Variants in VPS13B observed in about 807,000 individuals in gnomAD.
VPS13B encodes the protein intermembrane lipid transfer protein VPS13B.
A neutral mutation model predicts 426.4 loss-of-function variants in VPS13B; 285 were observed. The ratio of observed to expected loss-of-function variants is 0.67; its 90% CI spans 0.61 to 0.74. VPS13B has a LOEUF of 0.74. VPS13B is among the 30% of genes least tolerant of loss of function. The probability of loss-of-function intolerance (pLI) is 0.00; values close to 1 mark genes in which losing one functional copy is unlikely to be tolerated. For missense variants in VPS13B, 4,537 were observed against 4,782.6 expected, an observed-to-expected ratio of 0.95 and a Z score of 1.51; for synonymous variants, 1,676 against 1,676.4, an observed-to-expected ratio of 1.00 and a Z score of 0.01.
chr8:99,243,743 T>A (rs1817055041), intron 17 of VPS13B, among the ~76,000 whole-genome samples: 1 of 152,252 alleles, frequency 6.6e-6, no homozygotes, highest in South Asian at 2.1e-4. Context: ...AGGATATCAC[T>A]TCAAACGCTG....
At chr8:99,122,722 G>A (rs1848006007) in intron 8 of VPS13B, among the ~76,000 whole-genome samples, 1 of 152,152 alleles carries the variant, frequency 6.6e-6, no homozygotes, top group South Asian at 2.1e-4. Context: ...AGATACCAGA[G>A]TGAACAGATA....
chr8:99,328,084 C>T (rs1052228343), intron 19 of VPS13B, among the ~76,000 whole-genome samples: 21 of 152,116 alleles, frequency 1.4e-4, no homozygotes, highest in African/African-American at 4.1e-4. Flanking sequence ...ATCATTACTG[C>T]GTGTACACCA....
At chr8:99,231,856 T>G (rs990483267) in intron 17 of VPS13B, among the ~76,000 whole-genome samples, 1 of 152,164 alleles carries the variant, frequency 6.6e-6, no homozygotes, top group African/African-American at 2.4e-5. Flanking sequence ...AAGAAAGAAA[T>G]AATTTTGCTG....
At chr8:99,438,922 T>A (rs1047866734) in intron 22 of VPS13B, among the ~76,000 whole-genome samples, 4 of 152,194 alleles carry the variant, frequency 2.6e-5, no homozygotes, top group African/African-American at 9.6e-5. Context: ...GGATCTCGCC[T>A]ATAGGAGAGA....
At chr8:99,626,727 G>T (rs1380562152) in intron 33 of VPS13B, among the ~76,000 whole-genome samples, 8 of 152,236 alleles carry the variant, frequency 5.3e-5, no homozygotes, top group African/African-American at 1.9e-4. Flanking sequence ...AAGTATGGAA[G>T]TTCCTAAAAT....
intron 33 of VPS13B, among the ~76,000 whole-genome samples, chr8:99,586,714 C>T (rs369808011): frequency 2.6e-5 from 4 of 152,212 alleles, no homozygotes; most frequent in South Asian, 2.1e-4. Context: ...ACAGTCTATG[C>T]TCATGGATGG....
chr8:99,363,395 AAATGAGGT>A (rs1177930809), intron 19 of VPS13B, among the ~76,000 whole-genome samples: 2 of 152,176 alleles, frequency 1.3e-5, no homozygotes, highest in Admixed American at 6.5e-5. Context: ...GTAAAACTTG[AAATGAGGT>A]AATGTTCAAT....
intron 55 of VPS13B, among the ~76,000 whole-genome samples, chr8:99,849,929 GC>G (rs540330599): frequency 1.1e-3 from 155 of 143,536 alleles, no homozygotes; most frequent in Middle Eastern, 3.5e-3. Flanking sequence ...ACATAAGTAC[GC>G]ATGTATGTAC....
chr8:99,586,963 G>C (rs925507502), intron 33 of VPS13B, among the ~76,000 whole-genome samples: 3 of 151,988 alleles, frequency 2.0e-5, no homozygotes, highest in African/African-American at 4.8e-5. Context: ...TACTCCTAAT[G>C]CTATCCCTCC....
rs1810929748 is a variant in VPS13B, at chr8:99,337,056, A to G, written c.2825-47152A>G. Among the ~76,000 whole-genome samples, 8 of 152,264 alleles carry G rather than the reference A, an allele frequency of 5.3e-5. No individual in the cohort carries two copies. In the South Asian group the frequency reaches 1.7e-3, roughly 32 times the overall value. The stretch of plus-strand genomic sequence containing the variant: ...ATAAATCATGCTGCTATAGAGACAC[A>G]TGCACACGTATGTTTATTGCGGCAC... On this transcript the variant is annotated intron_variant, in intron 19 of 61. Coordinates refer to ENST00000357162, the MANE Select transcript of VPS13B (RefSeq NM_152564.5).
intron 51 of VPS13B, among the ~76,000 whole-genome samples, chr8:99,828,559 C>T (rs1814865236): frequency 6.6e-6 from 1 of 151,758 alleles, no homozygotes; most frequent in Non-Finnish European, 1.5e-5. Flanking sequence ...TCCAATTTGC[C>T]AGTCTTTGCC....
In VPS13B at chr8:99,778,790, A is replaced by G; in HGVS notation, c.7538A>G (p.Asn2513Ser). The G allele has an allele frequency of 6.2e-7, 1 of 1,614,004 alleles. No individual in the cohort carries two copies. Among genetic ancestry groups the G allele is most frequent in the Non-Finnish European group, 8.5e-7 (1 of 1,179,904 alleles). Reference protein sequence around the residue: ...REPHMYLRQWNNGSVCQEIQF... With the variant: ...REPHMYLRQWSNGSVCQEIQF... The stretch of plus-strand genomic sequence containing the variant: ...CCACACATGTATCTTCGACAGTGGA[A>G]TAATGGTTCTGTCTGTCAGGAGATC... The change falls in exon 42 of 62, where the codon AAT becomes AGT. Residue 2513 changes from asparagine (N) to serine (S), a missense_variant. Around this residue, in one of 2 missense-constraint regions of VPS13B, gnomAD observed 4,311 missense variants for 4,474.3 expected, o/e 0.96. Transcript: ENST00000357162.
At chr8:99,662,471 C>T (rs546315343) in intron 35 of VPS13B, among the ~76,000 whole-genome samples, 108 of 151,762 alleles carry the variant, frequency 7.1e-4, no homozygotes, top group Non-Finnish European at 1.4e-3. Flanking sequence ...TTTTTTGAGA[C>T]CATCTTGCTC....
At chr8:99,087,578 C>T (rs1440295203) in intron 3 of VPS13B, among the ~76,000 whole-genome samples, 1 of 151,526 alleles carries the variant, frequency 6.6e-6, no homozygotes, top group African/African-American at 2.4e-5. Flanking sequence ...TGGCGTTGTT[C>T]CTATTCAGCC....
chr8:99,515,122 C>T lies in VPS13B; in HGVS notation c.4633+3610C>T, dbSNP rs1203687729. Among the ~76,000 whole-genome samples, 4 of 151,628 alleles carry T rather than the reference C, an allele frequency of 2.6e-5. No homozygotes were observed. In the South Asian group the frequency reaches 8.3e-4, roughly 32 times the overall value. On this transcript the variant is annotated intron_variant, in intron 29 of 61. Coordinates refer to ENST00000357162, the MANE Select transcript of VPS13B (RefSeq NM_152564.5). ...TTATGTTTCACTGATATGTTTGTGACAAAAAGATTACAAATCAGGCTATTT... is the reference window on the plus strand; with the variant it reads ...TTATGTTTCACTGATATGTTTGTGATAAAAAGATTACAAATCAGGCTATTT...
At chr8:99,114,476 T>A (rs1185003525) in intron 6 of VPS13B, among the ~76,000 whole-genome samples, 1 of 152,230 alleles carries the variant, frequency 6.6e-6, no homozygotes, top group African/African-American at 2.4e-5. Context: ...TGACAGATTC[T>A]TTGTTATTGG....
chr8:99,423,488 G>A (rs1322969496), intron 21 of VPS13B, among the ~76,000 whole-genome samples: 1 of 148,552 alleles, frequency 6.7e-6, no homozygotes, highest in Non-Finnish European at 1.5e-5. Context: ...GGCTGGTTTC[G>A]AACTCCTGAC....
chr8:99,842,764 A>G (rs182023649), intron 54 of VPS13B, among the ~76,000 whole-genome samples: 24 of 152,368 alleles, frequency 1.6e-4, no homozygotes, highest in Non-Finnish European at 2.6e-4. Context: ...AGCAGAAGTT[A>G]TATTAAAATG....
At chr8:99,403,622 A>G (rs1050326062) in intron 21 of VPS13B, among the ~76,000 whole-genome samples, 5 of 151,832 alleles carry the variant, frequency 3.3e-5, no homozygotes, top group Non-Finnish European at 5.9e-5. Context: ...GACCTCTTGG[A>G]CAGTCACTAT....
Sources: allele counts gnomAD v4.1 joint callset (sites outside exome capture counted in the v4.1 genomes callset), GRCh38; gene constraint gnomAD v4.1.1; regional missense constraint gnomAD v4.1.1; transcripts MANE v1.5; gene names NCBI Gene and HGNC (gene_info 2026-07-23, HGNC 2026-07-21).